The following DBF4 variants were observed in gnomAD, a reference collection of about 807,000 sequenced individuals.
DBF4 encodes protein DBF4 homolog A.
In DBF4, 25 loss-of-function variants were observed where a neutral mutation model predicts 76.6. That is an observed-to-expected ratio of 0.33 (90% confidence interval 0.24 to 0.46). The LOEUF is 0.46. Among genes scored for constraint, DBF4 ranks in the 20% least tolerant of loss-of-function variants. The pLI is 1.00. For synonymous variants in DBF4, 213 were observed against 258.0 expected (o/e 0.83, Z 1.67); for missense variants, 638 against 760.8 (o/e 0.84, Z 1.90).
intron 6 of DBF4, 140 bp from the exon 7 acceptor site, chr7:87,896,333 GT>G (rs917381774): frequency 5.6e-5 from 37 of 655,556 alleles, no homozygotes; most frequent in Admixed American, 1.3e-4. Context: ...AAAAACAATA[GT>G]TTTTTTTAAC....
intron 2 of DBF4, among the ~76,000 whole-genome samples, chr7:87,879,967 A>AG (rs1191168002): frequency 2.0e-5 from 3 of 151,342 alleles, no homozygotes; most frequent in African/African-American, 7.3e-5. Context: ...AAAAAAAAAA[A>AG]GGTAGCTCAA....
In DBF4 at chr7:87,907,449, A is replaced by G. The variant is rs1839937746; in HGVS notation, c.1311A>G (p.Leu437=). The change falls in exon 12 of 12, where the codon TTA becomes TTG. Residue 437 remains leucine, a synonymous_variant. Transcript: ENST00000265728. ...AAATGAGTAATAAATGTTCCATGTT[A>G]AGTACAGCTGAAGATGACATAAGAC... ...NEKMSNKCSM[L]STAEDDIRQN... is the part of the protein sequence containing the mutation. The G allele has an allele frequency of 6.2e-7, 1 of 1,614,068 alleles. No individual in the cohort carries two copies. The highest frequency in any genetic ancestry group is 2.2e-5 in the East Asian group (1 of 44,864).
chr7:87,887,453 T>C, intron 5 of DBF4, 55 bp downstream of exon 5: 1 of 1,488,438 alleles, frequency 6.7e-7, no homozygotes, highest in Non-Finnish European at 9.0e-7. Flanking sequence ...TCCATGTCTG[T>C]CCTTTGGTTC....
At position 87,908,501 on chromosome 7, in the gene DBF4, GTTGTA is replaced by G. The variant is rs1481037135; in HGVS notation, c.*344_*348del. 1 of 162,832 alleles carries G rather than the reference GTTGTA, an allele frequency of 6.1e-6. No individual in the cohort carries two copies. 10.1% of individuals were successfully genotyped at this position (162,832 alleles called of 1,614,324 possible). ...TAGCATTATACATTTGGATATTCTA[GTTGTA>G]TTGTAAATTTTAAAAGATTATCAGG... is the stretch of plus-strand genomic sequence containing the variant. On this transcript the variant is annotated 3_prime_UTR_variant, in exon 12 of 12. Coordinates refer to ENST00000265728, the MANE Select transcript of DBF4 (RefSeq NM_006716.4).
chr7:87,896,486 G>A lies in DBF4; in HGVS notation c.610G>A (p.Gly204Ser). The change falls in exon 7 of 12, where the codon GGT (glycine) becomes AGT (serine). Residue 204 changes from glycine to serine, a missense_variant. By Grantham distance (56) the Gly-to-Ser change is moderately conservative (BLOSUM62 0). Transcript: ENST00000265728. ...TATTTTTTTTTAGGGCAAAAGAGTT[G>A]GTAGTGGTGCACAAAAAACAAGAAG... is the stretch of plus-strand genomic sequence containing the variant. ...TSVRDGGKRV[G>S]SGAQKTRTGR... is the part of the protein sequence containing the mutation. 1 of 1,611,410 alleles carries A rather than the reference G, an allele frequency of 6.2e-7. No individual in the cohort carries two copies. The highest frequency in any genetic ancestry group is 8.5e-7 in the Non-Finnish European group (1 of 1,179,046).
At chr7:87,895,068 T>C (rs909408721) in intron 6 of DBF4, among the ~76,000 whole-genome samples, 1 of 152,182 alleles carries the variant, frequency 6.6e-6, no homozygotes, top group Non-Finnish European at 1.5e-5. Context: ...TAGTCTTTTT[T>C]GTTTCCTCTT....
chr7:87,893,943 G>T (rs1448346362), intron 6 of DBF4, among the ~76,000 whole-genome samples: 7 of 151,732 alleles, frequency 4.6e-5, no homozygotes, highest in Non-Finnish European at 7.4e-5. Context: ...CTTCATTTTT[G>T]TTGTTTTATT....
chr7:87,895,353 G>A (rs541834820), intron 6 of DBF4, among the ~76,000 whole-genome samples: 4 of 152,202 alleles, frequency 2.6e-5, no homozygotes, highest in African/African-American at 9.6e-5. Flanking sequence ...GCATCTGATT[G>A]TCCTTTTCTC....
intron 1 of DBF4, among the ~76,000 whole-genome samples, chr7:87,877,224 C>G (rs1363317894): frequency 2.6e-5 from 4 of 152,168 alleles, no homozygotes; most frequent in Admixed American, 2.6e-4. Flanking sequence ...TTGGTCTTAC[C>G]CTTGAAAGTT....
intron 11 of DBF4, among the ~76,000 whole-genome samples, chr7:87,906,877 CATTTA>C (rs1188087105): frequency 1.3e-5 from 2 of 152,030 alleles, no homozygotes; most frequent in African/African-American, 4.8e-5. Context: ...CAATTTCTTT[CATTTA>C]CATGATTAAA....
chr7:87,895,634 G>A (rs1476336210), intron 6 of DBF4, among the ~76,000 whole-genome samples: 2 of 152,148 alleles, frequency 1.3e-5, no homozygotes, highest in Admixed American at 1.3e-4. Context: ...GTGCAACTTG[G>A]AGGTAAGCCC....
intron 2 of DBF4, among the ~76,000 whole-genome samples, chr7:87,880,796 A>C (rs1839193100): frequency 6.6e-6 from 1 of 152,188 alleles, no homozygotes. Context: ...TTAATAGTGC[A>C]AGAAAAGTAG....
Position 87,876,590 on chromosome 7 carries a change from C to G in DBF4, c.-143C>G. On this transcript the variant is annotated 5_prime_UTR_variant, in exon 1 of 12. Coordinates refer to ENST00000265728, the MANE Select transcript of DBF4 (RefSeq NM_006716.4). ...GCCCCGGAAACCCGACCTGCAGACG[C>G]GGTACCTCTACTGCGTAGAGGCCGT... 1 of 884,674 alleles carries G rather than the reference C, an allele frequency of 1.1e-6. No homozygotes were observed. Among genetic ancestry groups the G allele is most frequent in the South Asian group, 1.5e-5 (1 of 67,894 alleles). The allele number at this position is 884,674 out of a possible 1,614,324, so 54.8% of individuals were successfully genotyped here.
At chr7:87,903,178 GT>G (rs1482403287) in intron 10 of DBF4, among the ~76,000 whole-genome samples, 1 of 152,214 alleles carries the variant, frequency 6.6e-6, no homozygotes, top group Non-Finnish European at 1.5e-5. Flanking sequence ...CATCTCCCGA[GT>G]TCCAGAGATT....
chr7:87,901,080 A>G (rs1451017660), intron 10 of DBF4, among the ~76,000 whole-genome samples: 1 of 152,210 alleles, frequency 6.6e-6, no homozygotes, highest in Non-Finnish European at 1.5e-5. Flanking sequence ...AGCATTGAAC[A>G]AAACAGACTT....
intron 6 of DBF4, among the ~76,000 whole-genome samples, chr7:87,889,762 T>G (rs1839440588): frequency 6.6e-6 from 1 of 152,194 alleles, no homozygotes; most frequent in Non-Finnish European, 1.5e-5. Flanking sequence ...TAAAAATGAT[T>G]TGGAAAACTG....
rs1415091583 is a variant in DBF4, at chr7:87,900,984, CAAGG to C, written c.924+107_924+110del. 33 of 931,604 alleles carry C rather than the reference CAAGG, an allele frequency of 3.5e-5. No individual in the cohort carries two copies. In the East Asian group the frequency reaches 7.3e-4, roughly 21 times the overall value. 57.7% of individuals were successfully genotyped at this position (931,604 alleles called of 1,614,324 possible). A position where few individuals can be genotyped will look rare whatever the true frequency, so the allele number is the denominator to read the frequency against. ...GCAGATATTTTACATTTTAAGAACTCAAGGGAGGAAATGAGTATTGAAAATGAAT... is the reference window on the plus strand; with the variant it reads ...GCAGATATTTTACATTTTAAGAACTCGAGGAAATGAGTATTGAAAATGAAT... On this transcript the variant is annotated intron_variant, in intron 10 of 11. Coordinates refer to ENST00000265728, the MANE Select transcript of DBF4 (RefSeq NM_006716.4).
chr7:87,906,318 G>A (rs952040381), intron 11 of DBF4, among the ~76,000 whole-genome samples: 1 of 150,472 alleles, frequency 6.6e-6, no homozygotes, highest in East Asian at 2.0e-4. Flanking sequence ...AGCCATGTTA[G>A]AGTAGTTTTT....
chr7:87,896,248 G>T, intron 6 of DBF4: 1 of 388,158 alleles, frequency 2.6e-6, no homozygotes, highest in Non-Finnish European at 4.6e-6. Flanking sequence ...TTTCATTATT[G>T]GTTTTCTTTT....
Sources: gnomAD v4.1 joint callset for allele counts (sites outside exome capture counted in the v4.1 genomes callset) on GRCh38, gnomAD v4.1.1 for gene constraint, MANE v1.5 for transcripts, NCBI Gene and HGNC (gene_info 2026-07-23, HGNC 2026-07-21) for gene names.